NCOA2: variants seen among roughly 807,000 people sequenced by gnomAD.
NCOA2 encodes the protein class E basic helix-loop-helix protein 75.
Under a neutral mutation model 145.1 loss-of-function variants are expected in NCOA2, and 21 were observed. The observed-to-expected ratio is 0.14, with a 90% CI of 0.10 to 0.21. The LOEUF is 0.21. NCOA2 is among the 10% of genes least tolerant of loss of function. NCOA2 has a pLI of 1.00. For synonymous variants in NCOA2, 619 were observed against 637.5 expected, an observed-to-expected ratio of 0.97 and a Z score of 0.44; for missense variants, 1,472 against 1,837.6, an observed-to-expected ratio of 0.80 and a Z score of 3.64.
upstream of NCOA2, among the ~76,000 whole-genome samples, chr8:70,404,459 G>A (rs572882052): frequency 6.6e-6 from 1 of 152,244 alleles, no homozygotes; most frequent in East Asian, 1.9e-4. Context: ...CACCCCCTCG[G>A]GCGCACCTCA....
At chr8:70,363,862 T>C (rs1810434359) in intron 1 of NCOA2, among the ~76,000 whole-genome samples, 1 of 152,118 alleles carries the variant, frequency 6.6e-6, no homozygotes, top group Admixed American at 6.5e-5. Context: ...GTATATAAAC[T>C]GATTTTTTTT....
At chr8:70,405,437 G>GTTTTTTTTTTTTTTTTTT (rs34814735), upstream of NCOA2, among the ~76,000 whole-genome samples, 15 of 59,388 alleles carry the variant, frequency 2.5e-4, 1 homozygote, top group African/African-American at 3.7e-4. Context: ...ATTTTTAAAG[G>GTTTTTTTTTTTTTTTTTT]TTTTTTTTTT....
intron 1 of NCOA2, among the ~76,000 whole-genome samples, chr8:70,403,338 C>T (rs1455814884): frequency 4.0e-5 from 6 of 151,286 alleles, no homozygotes; most frequent in Non-Finnish European, 5.9e-5. Flanking sequence ...GCTCACCTCT[C>T]GCCCGCGCCG....
At chr8:70,448,162 AT>A in the NCOA2 span, among the ~76,000 whole-genome samples, 3 of 151,966 alleles carry the variant, frequency 2.0e-5, no homozygotes, top group African/African-American at 7.3e-5. Context: ...GCTAATGCTA[AT>A]TTTTTTTCCT....
intron 1 of NCOA2, among the ~76,000 whole-genome samples, chr8:70,396,923 TTA>T (rs1372039089): frequency 2.0e-5 from 3 of 152,210 alleles, no homozygotes; most frequent in African/African-American, 7.2e-5. Flanking sequence ...TTTCCCCCAC[TTA>T]GTGGCAAAGT....
At chr8:70,358,333 T>G (rs140505333) in intron 1 of NCOA2, among the ~76,000 whole-genome samples, 1,782 of 152,266 alleles carry the variant, frequency 0.012, 43 homozygotes, top group African/African-American at 0.041. Context: ...AGAACAAAGT[T>G]GAAGAACTCA....
intron 2 of NCOA2, among the ~76,000 whole-genome samples, chr8:70,285,585 A>G (rs955691482): frequency 2.0e-5 from 3 of 152,244 alleles, no homozygotes; most frequent in Admixed American, 1.3e-4. Context: ...CCTGCACTCT[A>G]TGCCTACTAC....
intron 1 of NCOA2, among the ~76,000 whole-genome samples, chr8:70,375,890 T>TGAAA (rs1186507659): frequency 2.0e-5 from 3 of 152,246 alleles, no homozygotes; most frequent in African/African-American, 7.2e-5. Flanking sequence ...TAAGCATGAC[T>TGAAA]TTTCCTACTA....
the NCOA2 span, among the ~76,000 whole-genome samples, chr8:70,454,464 T>C: frequency 9.2e-5 from 14 of 152,352 alleles, no homozygotes; most frequent in South Asian, 2.5e-3. Context: ...CGGAGGAAAC[T>C]GTATTTAGAG....
rs537157479 is a variant in NCOA2 at position 70,161,854 on chromosome 8, C to T, written c.976+857G>A. On this transcript the variant is annotated intron_variant, in intron 9 of 22. Transcript: ENST00000452400. ...CACAGAGAGAAGGACAGTCTCCCTC[C>T]CCAAATTAGCACATACTAAAGCAAA... Among the ~76,000 whole-genome samples, 23 of 152,256 alleles carry T rather than the reference C, an allele frequency of 1.5e-4. No homozygotes were observed. The East Asian group carries it at 4.4e-3, about 29-fold the overall frequency.
chr8:70,193,273 G>T (rs946493248), intron 4 of NCOA2, among the ~76,000 whole-genome samples: 1 of 152,018 alleles, frequency 6.6e-6, no homozygotes, highest in African/African-American at 2.4e-5. Context: ...TATGGAGCTG[G>T]TCCAATAATC....
intron 4 of NCOA2, among the ~76,000 whole-genome samples, chr8:70,192,020 CGA>C (rs1563595879): frequency 6.6e-6 from 1 of 151,714 alleles, no homozygotes; most frequent in East Asian, 1.9e-4. Context: ...CCAGCCTGGG[CGA>C]GAGAGTGAGA....
At chr8:70,167,481 T>A (rs1204034137) in intron 6 of NCOA2, among the ~76,000 whole-genome samples, 1 of 152,200 alleles carries the variant, frequency 6.6e-6, no homozygotes, top group Non-Finnish European at 1.5e-5. Flanking sequence ...TCCTCTACAA[T>A]CAATACTTTA....
intron 1 of NCOA2, among the ~76,000 whole-genome samples, chr8:70,397,033 T>C (rs575317833): frequency 6.1e-4 from 93 of 152,206 alleles, no homozygotes; most frequent in Non-Finnish European, 1.2e-3. Context: ...CTCTATTTTA[T>C]AGGGTTGTGG....
intron 1 of NCOA2, among the ~76,000 whole-genome samples, chr8:70,329,402 T>C (rs992711081): frequency 1.3e-5 from 2 of 152,098 alleles, no homozygotes; most frequent in Admixed American, 6.6e-5. Flanking sequence ...TAAGCCACTG[T>C]TTCTGACCTT....
chr8:70,337,274 G>A (rs1807693750), intron 1 of NCOA2, among the ~76,000 whole-genome samples: 1 of 151,876 alleles, frequency 6.6e-6, no homozygotes, highest in Non-Finnish European at 1.5e-5. Flanking sequence ...ATCAAGAAGA[G>A]CAAGAATGTA....
At chr8:70,292,325 G>T (rs1179303588) in intron 2 of NCOA2, among the ~76,000 whole-genome samples, 1 of 151,714 alleles carries the variant, frequency 6.6e-6, no homozygotes, top group Non-Finnish European at 1.5e-5. Flanking sequence ...GCTAATTTTT[G>T]TATTTTTAGT....
intron 4 of NCOA2, among the ~76,000 whole-genome samples, chr8:70,187,174 T>G (rs536300579): frequency 6.6e-6 from 1 of 152,334 alleles, no homozygotes; most frequent in African/African-American, 2.4e-5. Context: ...GGCACTTCCA[T>G]GCTGCAAAGC....
At chr8:70,367,087 T>G (rs1413773892) in intron 1 of NCOA2, among the ~76,000 whole-genome samples, 2 of 152,360 alleles carry the variant, frequency 1.3e-5, no homozygotes, top group African/African-American at 2.4e-5. Context: ...CATGTCTGAC[T>G]TTACATACAA....
Sources: allele counts gnomAD v4.1 joint callset (sites outside exome capture counted in the v4.1 genomes callset), GRCh38; gene constraint gnomAD v4.1.1; transcripts MANE v1.5; gene names NCBI Gene and HGNC (gene_info 2026-07-23, HGNC 2026-07-21).